The following NOX4 variants were observed in gnomAD, a reference collection of about 807,000 sequenced individuals.
NOX4 encodes the protein NADPH oxidase 4.
NOX4 carries 69 observed loss-of-function variants against 87.6 expected under a neutral mutation model. The ratio of observed to expected loss-of-function variants is 0.79; its 90% CI spans 0.65 to 0.96. The LOEUF is 0.96. NOX4 is among the 40% of genes least tolerant of loss of function. The pLI is 0.00. For missense variants in NOX4, 680 were observed against 681.5 expected (o/e 1.00, Z 0.02); for synonymous variants, 275 against 238.2 (o/e 1.15, Z -1.42).
the NOX4 span, among the ~76,000 whole-genome samples, chr11:89,523,670 A>G: frequency 6.6e-6 from 1 of 152,208 alleles, no homozygotes; most frequent in East Asian, 1.9e-4. Flanking sequence ...AAAATTACAC[A>G]TGACTGTTCA....
At chr11:89,550,471 C>A in the NOX4 span, among the ~76,000 whole-genome samples, 1 of 151,958 alleles carries the variant, frequency 6.6e-6, no homozygotes, top group African/African-American at 2.4e-5. Flanking sequence ...CAGGTGTAAG[C>A]CATAATGGTA....
At chr11:89,333,652 C>T (rs1945571992) in intron 17 of NOX4, among the ~76,000 whole-genome samples, 2 of 151,664 alleles carry the variant, frequency 1.3e-5, no homozygotes, top group Admixed American at 1.3e-4. Context: ...GCCTGTCTTC[C>T]CTACTGTTAT....
intron 17 of NOX4, among the ~76,000 whole-genome samples, chr11:89,334,514 T>C (rs1945614248): frequency 6.6e-6 from 1 of 151,730 alleles, no homozygotes; most frequent in African/African-American, 2.4e-5. Flanking sequence ...TAAAACAAAA[T>C]CTTTGAAGGT....
In NOX4 at chr11:89,491,361, G is replaced by T; in HGVS notation, c.-115C>A. ...GCCGGGCCGCTGAGCGAGGACCGAG[G>T]GTCAAAGACTGAGTGGAAGCCCGAA... On this transcript the variant is annotated 5_prime_UTR_variant, in exon 1 of 18. Coordinates refer to ENST00000263317, the MANE Select transcript of NOX4 (RefSeq NM_016931.5). The T allele has an allele frequency of 2.1e-6, 2 of 958,110 alleles. No individual in the cohort carries two copies. The highest frequency in any genetic ancestry group is 2.8e-5 in the East Asian group (1 of 35,092). 59.4% of individuals were successfully genotyped at this position (958,110 alleles called of 1,614,324 possible).
chr11:89,452,304 C>G (rs1189790532), intron 2 of NOX4, among the ~76,000 whole-genome samples: 1 of 152,152 alleles, frequency 6.6e-6, no homozygotes, highest in Non-Finnish European at 1.5e-5. Flanking sequence ...ACATTTTTCT[C>G]ATGTGTTCTC....
intron 12 of NOX4, among the ~76,000 whole-genome samples, chr11:89,366,412 T>C (rs368988532): frequency 1.9e-4 from 29 of 152,192 alleles, no homozygotes; most frequent in African/African-American, 6.5e-4. Flanking sequence ...GCACAGTAGA[T>C]CACTCCTGTA....
chr11:89,461,601 C>T (rs1482506243), intron 2 of NOX4, among the ~76,000 whole-genome samples: 7 of 149,318 alleles, frequency 4.7e-5, no homozygotes, highest in Non-Finnish European at 8.9e-5. Context: ...GCCGAGATCG[C>T]GCCACTGCAC....
intron 16 of NOX4, 193 bp from the exon 17 acceptor site, chr11:89,336,138 C>T (rs1827428): frequency 0.078 from 30,927 of 397,442 alleles, 1,513 homozygotes; most frequent in Admixed American, 0.14. Flanking sequence ...AATTCATTAT[C>T]TCCTTGAATT....
intron 6 of NOX4, among the ~76,000 whole-genome samples, chr11:89,438,732 T>A (rs1944245464): frequency 1.3e-5 from 1 of 75,872 alleles, no homozygotes; most frequent in African/African-American, 5.4e-5. Context: ...TTATATCATA[T>A]ATACTATATA....
intron 8 of NOX4, among the ~76,000 whole-genome samples, chr11:89,421,137 T>A (rs556523868): frequency 1.3e-5 from 2 of 152,332 alleles, no homozygotes; most frequent in Admixed American, 6.5e-5. Flanking sequence ...ACATTCTGTG[T>A]GTCCTGCCCT....
chr11:89,564,699 T>C, the NOX4 span, among the ~76,000 whole-genome samples: 1 of 152,070 alleles, frequency 6.6e-6, no homozygotes, highest in African/African-American at 2.4e-5. Context: ...AATGGGAATT[T>C]TGGTTTTCTA....
intron 11 of NOX4, among the ~76,000 whole-genome samples, chr11:89,399,034 G>A (rs984112333): frequency 1.3e-5 from 2 of 151,928 alleles, no homozygotes; most frequent in African/African-American, 4.8e-5. Context: ...AAAAGGATTG[G>A]AAAGTGGGGA....
intron 8 of NOX4, among the ~76,000 whole-genome samples, chr11:89,413,064 G>A (rs1357736533): frequency 1.3e-5 from 2 of 151,984 alleles, no homozygotes; most frequent in Non-Finnish European, 1.5e-5. Flanking sequence ...TAGCAAACAG[G>A]TATATGAAAA....
the NOX4 span, among the ~76,000 whole-genome samples, chr11:89,511,190 G>C: frequency 7.8e-3 from 1,191 of 152,020 alleles, 19 homozygotes; most frequent in Middle Eastern, 0.02. Flanking sequence ...ATCATTAAAA[G>C]ATTCAATCAA....
chr11:89,582,660 C>T, the NOX4 span, among the ~76,000 whole-genome samples: 1 of 152,310 alleles, frequency 6.6e-6, no homozygotes, highest in East Asian at 1.9e-4. Flanking sequence ...CCCAGCTTCT[C>T]TAAGACTGTG....
chr11:89,341,630 C>G (rs1375914475), intron 14 of NOX4, among the ~76,000 whole-genome samples: 1 of 152,108 alleles, frequency 6.6e-6, no homozygotes, highest in Non-Finnish European at 1.5e-5. Context: ...TTTCTCATTG[C>G]TTTCTTTTTT....
At chr11:89,342,857 CCTT>C (rs1311360520) in intron 13 of NOX4, among the ~76,000 whole-genome samples, 4 of 152,086 alleles carry the variant, frequency 2.6e-5, no homozygotes, top group African/African-American at 9.7e-5. Context: ...ATAGAGAAAT[CCTT>C]CTTAACTGCA....
chr11:89,333,964 A>G (rs1441586125), intron 17 of NOX4, among the ~76,000 whole-genome samples: 2 of 151,738 alleles, frequency 1.3e-5, no homozygotes, highest in Non-Finnish European at 3.0e-5. Flanking sequence ...ACTACCAAAT[A>G]TATACACACA....
chr11:89,456,626 G>A (rs552477922), intron 2 of NOX4, among the ~76,000 whole-genome samples: 1 of 152,284 alleles, frequency 6.6e-6, no homozygotes, highest in African/African-American at 2.4e-5. Flanking sequence ...AGCAACTCCT[G>A]CGGAATGAGC....
Sources: allele counts gnomAD v4.1 joint callset (sites outside exome capture counted in the v4.1 genomes callset), GRCh38; gene constraint gnomAD v4.1.1; transcripts MANE v1.5; gene names NCBI Gene and HGNC (gene_info 2026-07-23, HGNC 2026-07-21).